STXBP4: variants seen among roughly 807,000 people sequenced by gnomAD.
STXBP4 encodes the protein syntaxin-binding protein 4.
STXBP4 carries 55 observed loss-of-function variants against 76.1 expected under a neutral mutation model. That is an observed-to-expected ratio of 0.72 (90% confidence interval 0.58 to 0.91). The LOEUF (loss-of-function observed/expected upper bound fraction) is 0.91. Among genes scored for constraint, STXBP4 ranks in the 40% least tolerant of loss-of-function variants. The probability of loss-of-function intolerance (pLI) is 0.00; values close to 1 mark genes in which losing one functional copy is unlikely to be tolerated. For missense variants in STXBP4, 618 were observed against 636.9 expected, an observed-to-expected ratio of 0.97 and a Z score of 0.32; for synonymous variants, 201 against 220.2, an observed-to-expected ratio of 0.91 and a Z score of 0.77.
chr17:55,018,067 C>A (rs142432660), intron 8 of STXBP4, among the ~76,000 whole-genome samples: 1 of 152,064 alleles, frequency 6.6e-6, no homozygotes, highest in African/African-American at 2.4e-5. Context: ...TGGCAAGCCT[C>A]GTGTTCTCTG....
chr17:55,089,837 T>G (rs2079387040), intron 16 of STXBP4, among the ~76,000 whole-genome samples: 1 of 151,746 alleles, frequency 6.6e-6, no homozygotes, highest in Non-Finnish European at 1.5e-5. Flanking sequence ...TGACTTCTTG[T>G]TAAATTGACA....
chr17:55,047,801 G>T (rs892729093), intron 12 of STXBP4, among the ~76,000 whole-genome samples: 1 of 151,622 alleles, frequency 6.6e-6, no homozygotes, highest in Non-Finnish European at 1.5e-5. Flanking sequence ...AACCATACAG[G>T]ACCCATATTT....
chr17:55,069,477 G>A (rs189876060), intron 12 of STXBP4, among the ~76,000 whole-genome samples: 15 of 152,192 alleles, frequency 9.9e-5, no homozygotes, highest in African/African-American at 3.4e-4. Flanking sequence ...CAGCCTGGGA[G>A]GAAAAGAGAA....
intron 16 of STXBP4, among the ~76,000 whole-genome samples, chr17:55,127,825 C>A (rs1405771125): frequency 6.6e-6 from 1 of 152,100 alleles, no homozygotes; most frequent in Non-Finnish European, 1.5e-5. Context: ...AACAGATTTT[C>A]AGATAAACTT....
Position 54,990,920 on chromosome 17 carries a change from A to G in STXBP4, c.143A>G (p.Tyr48Cys). 2.5e-6 allele frequency: 4 copies of G among 1,600,420 alleles called. No homozygotes were observed. The highest frequency in any genetic ancestry group is 3.4e-6 in the Non-Finnish European group (4 of 1,175,700). Residue 48 changes from tyrosine to cysteine, a missense_variant, in exon 4 of 18, where the codon TAT becomes TGT. Physicochemically the swap from Tyr to Cys is radical, Grantham distance 194 (BLOSUM62 -2). Coordinates refer to ENST00000376352, the MANE Select transcript of STXBP4 (RefSeq NM_178509.6). Reference protein sequence around the residue: ...GINRNEGPLVYIQEIIPGGDC... With the variant: ...GINRNEGPLVCIQEIIPGGDC... ...AACCGGAATGAAGGCCCATTGGTAT[A>G]TATTCAGGAAATTATTCCTGGAGGA... is the stretch of plus-strand genomic sequence containing the variant.
At chr17:55,008,606 A>G (rs1299030971) in intron 8 of STXBP4, among the ~76,000 whole-genome samples, 1 of 152,200 alleles carries the variant, frequency 6.6e-6, no homozygotes, top group East Asian at 1.9e-4. Flanking sequence ...ATTTTTATGA[A>G]CAGTCATACA....
At chr17:55,188,368 A>C in the STXBP4 span, among the ~76,000 whole-genome samples, 4 of 152,204 alleles carry the variant, frequency 2.6e-5, no homozygotes, top group Non-Finnish European at 5.9e-5. Flanking sequence ...TGAATAAGTC[A>C]TATGGAGAGC....
intron 12 of STXBP4, among the ~76,000 whole-genome samples, chr17:55,047,836 AC>A (rs1218606924): frequency 5.9e-5 from 9 of 152,044 alleles, no homozygotes; most frequent in East Asian, 3.9e-4. Flanking sequence ...TGACAAAAAA[AC>A]ACCACAGCCT....
At chr17:55,152,441 A>G (rs1210834356) in intron 17 of STXBP4, among the ~76,000 whole-genome samples, 1 of 152,198 alleles carries the variant, frequency 6.6e-6, no homozygotes, top group African/African-American at 2.4e-5. Flanking sequence ...GTGGTATGTT[A>G]GTTTGTTTTC....
chr17:55,020,986 C>T (rs998544545), intron 8 of STXBP4, among the ~76,000 whole-genome samples: 5 of 151,990 alleles, frequency 3.3e-5, no homozygotes, highest in South Asian at 4.2e-4. Context: ...GTGATTTTTC[C>T]GGCTATAAAA....
At chr17:55,126,708 T>C (rs887865004) in intron 16 of STXBP4, among the ~76,000 whole-genome samples, 8 of 152,346 alleles carry the variant, frequency 5.3e-5, no homozygotes, top group Admixed American at 4.6e-4. Context: ...AAGGAGATTC[T>C]GGTGCGTGAC....
intron 14 of STXBP4, 59 bp from the exon 15 acceptor site, chr17:55,078,627 G>C: frequency 9.4e-7 from 1 of 1,064,434 alleles, no homozygotes; most frequent in Non-Finnish European, 1.4e-6. Context: ...ATGAAGAAAA[G>C]ATATTTTTTA....
chr17:55,090,883 G>A (rs1359016121), intron 16 of STXBP4, among the ~76,000 whole-genome samples: 10 of 150,946 alleles, frequency 6.6e-5, no homozygotes, highest in Non-Finnish European at 1.2e-4. Context: ...GTGTGTGTGT[G>A]TGTGTGTGTG....
downstream of STXBP4, among the ~76,000 whole-genome samples, chr17:55,174,149 C>T (rs2080419998): frequency 6.6e-6 from 1 of 152,248 alleles, no homozygotes. Flanking sequence ...TTAATCACAT[C>T]TGCAAAATCC....
chr17:55,112,161 C>G (rs984777391), intron 16 of STXBP4, among the ~76,000 whole-genome samples: 1 of 151,998 alleles, frequency 6.6e-6, no homozygotes, highest in East Asian at 1.9e-4. Context: ...CTTAAGTGAT[C>G]CTCCCACCTC....
At chr17:55,136,141 T>C (rs563819693) in intron 16 of STXBP4, among the ~76,000 whole-genome samples, 70 of 152,296 alleles carry the variant, frequency 4.6e-4, no homozygotes, top group South Asian at 1.7e-3. Flanking sequence ...CCTAGAAGAA[T>C]GTCAGAAATA....
chr17:55,044,004 A>G (rs2078748974), intron 11 of STXBP4: 2 of 188,592 alleles, frequency 1.1e-5, no homozygotes, highest in Non-Finnish European at 1.1e-5. Flanking sequence ...CCATGCCACC[A>G]TGCTCAACTA....
intron 4 of STXBP4, among the ~76,000 whole-genome samples, chr17:54,998,822 CA>C (rs1464447326): frequency 4.1e-5 from 6 of 144,594 alleles, no homozygotes; most frequent in Non-Finnish European, 9.1e-5. Flanking sequence ...CTCATCTCTA[CA>C]AAAAATTTTG....
At chr17:55,032,563 T>C (rs1049822569) in intron 9 of STXBP4, among the ~76,000 whole-genome samples, 2 of 152,162 alleles carry the variant, frequency 1.3e-5, no homozygotes, top group Admixed American at 1.3e-4. Flanking sequence ...AAAACAGGAT[T>C]GTTGGAAATC....
Sources: allele counts gnomAD v4.1 joint callset (sites outside exome capture counted in the v4.1 genomes callset), GRCh38; gene constraint gnomAD v4.1.1; transcripts MANE v1.5; gene names NCBI Gene and HGNC (gene_info 2026-07-23, HGNC 2026-07-21).